The following SLAIN2 variants were observed in gnomAD, a reference collection of about 807,000 sequenced individuals.
SLAIN2 encodes the protein SLAIN motif-containing protein 2.
SLAIN2 carries 31 observed loss-of-function variants against 56.6 expected under a neutral mutation model. The ratio of observed to expected loss-of-function variants is 0.55; its 90% CI spans 0.41 to 0.74. The LOEUF (loss-of-function observed/expected upper bound fraction) is 0.74. Ranked by LOEUF, SLAIN2 falls within the 30% of genes least tolerant of loss-of-function variation. The pLI is 0.00. For missense variants in SLAIN2, 777 were observed against 754.2 expected (o/e 1.03, Z -0.35); for synonymous variants, 317 against 284.9 (o/e 1.11, Z -1.13).
rs1328889963 is a variant in SLAIN2 at position 48,424,707 on chromosome 4, CTG to C, written c.*2631_*2632del. 2 of 151,840 alleles carry C rather than the reference CTG, an allele frequency of 1.3e-5. No individual in the cohort carries two copies. The highest frequency in any genetic ancestry group is 2.4e-5 in the African/African-American group (1 of 41,360). 9.4% of individuals were successfully genotyped at this position (151,840 alleles called of 1,614,324 possible). A position where few individuals can be genotyped will look rare whatever the true frequency, so the allele number is the denominator to read the frequency against. ...ATCCTGGAAATCACATTTTGTAAAA[CTG>C]GGGACCATTCATAATTGTCAGATAC... is the stretch of plus-strand genomic sequence containing the variant. On this transcript the variant is annotated 3_prime_UTR_variant, in exon 8 of 8. Coordinates refer to ENST00000264313, the MANE Select transcript of SLAIN2 (RefSeq NM_020846.2).
chr4:48,396,458 A>G (rs1484295082), intron 6 of SLAIN2, among the ~76,000 whole-genome samples: 2 of 152,212 alleles, frequency 1.3e-5, no homozygotes, highest in African/African-American at 4.8e-5. Flanking sequence ...TTAAAATATT[A>G]GCTTAATAAT....
At chr4:48,357,280 T>C (rs1715183344) in intron 1 of SLAIN2, among the ~76,000 whole-genome samples, 1 of 152,116 alleles carries the variant, frequency 6.6e-6, no homozygotes, top group Non-Finnish European at 1.5e-5. Context: ...TTGGTTGTAG[T>C]AGTAGGTGGG....
chr4:48,383,244 ATACAATTTT>A (rs1329992864), intron 5 of SLAIN2, among the ~76,000 whole-genome samples: 4 of 152,172 alleles, frequency 2.6e-5, no homozygotes, highest in African/African-American at 7.2e-5. Flanking sequence ...TATGAAAGTA[ATACAATTTT>A]TGCTAAGTTT....
At chr4:48,411,981 G>C (rs749074425) in intron 6 of SLAIN2, among the ~76,000 whole-genome samples, 37 of 151,608 alleles carry the variant, frequency 2.4e-4, no homozygotes, top group Non-Finnish European at 5.0e-4. Context: ...GACCTTCCTA[G>C]TTGCTCTGTA....
chr4:48,371,790 A>G (rs1320402882), intron 2 of SLAIN2, among the ~76,000 whole-genome samples: 1 of 151,926 alleles, frequency 6.6e-6, no homozygotes, highest in Non-Finnish European at 1.5e-5. Context: ...AAAAATAAAA[A>G]AATAAAAATA....
intron 6 of SLAIN2, among the ~76,000 whole-genome samples, chr4:48,392,864 G>A (rs1037558449): frequency 1.3e-5 from 2 of 148,512 alleles, no homozygotes; most frequent in Non-Finnish European, 3.0e-5. Context: ...TTAGTTTCAT[G>A]AGAGTGGGGA....
intron 3 of SLAIN2, 68 bp downstream of exon 3, chr4:48,378,128 A>G (rs1171794488): frequency 2.0e-6 from 3 of 1,485,092 alleles, no homozygotes; most frequent in Non-Finnish European, 2.7e-6. Flanking sequence ...TCAGAAAATA[A>G]CATTCATCTG....
chr4:48,353,118 G>A (rs1431005827), intron 1 of SLAIN2, among the ~76,000 whole-genome samples: 1 of 152,086 alleles, frequency 6.6e-6, no homozygotes, highest in Non-Finnish European at 1.5e-5. Flanking sequence ...TTTGTAAATT[G>A]CCCAGTCTCA....
chr4:48,419,952 C>G (rs1040929859), intron 6 of SLAIN2, among the ~76,000 whole-genome samples, 173 bp from the exon 7 acceptor site: 3 of 152,162 alleles, frequency 2.0e-5, no homozygotes, highest in African/African-American at 7.2e-5. Context: ...ATTTAGAACT[C>G]ACAGTTACTT....
chr4:48,407,954 A>G (rs10938530), intron 6 of SLAIN2, among the ~76,000 whole-genome samples: 45,648 of 152,048 alleles, frequency 0.3, 7,042 homozygotes, highest in South Asian at 0.48. Flanking sequence ...ACAATATATG[A>G]TCTTTTGTGA....
At position 48,422,116 on chromosome 4, in the gene SLAIN2, G is replaced by C; in HGVS notation, c.*39G>C. On this transcript the variant is annotated 3_prime_UTR_variant, in exon 8 of 8. Coordinates refer to ENST00000264313, the MANE Select transcript of SLAIN2 (RefSeq NM_020846.2). ...GAATGCAGAAGTCCACGGCTTCATG[G>C]ATACCCTTCACCAGGCTAAAAAACA... 1 of 1,556,144 alleles carries C rather than the reference G, an allele frequency of 6.4e-7. No homozygotes were observed. The highest frequency in any genetic ancestry group is 8.8e-7 in the Non-Finnish European group (1 of 1,135,368).
At position 48,355,737 on chromosome 4, in the gene SLAIN2, G is replaced by T. The variant is rs550412231; in HGVS notation, c.389+13609G>T. ...GCACTTCAATGTTAAGGTTAAACAC[G>T]TATTTAATATACACATTTTATATGT... On this transcript the variant is annotated intron_variant, in intron 1 of 7. Coordinates refer to ENST00000264313, the MANE Select transcript of SLAIN2 (RefSeq NM_020846.2). 2.6e-5 allele frequency among the ~76,000 whole-genome samples: 4 copies of T among 151,890 alleles called. No homozygotes were observed. In the East Asian group the frequency reaches 7.7e-4, roughly 29 times the overall value.
At chr4:48,364,887 G>A (rs1432603063) in intron 1 of SLAIN2, among the ~76,000 whole-genome samples, 1 of 143,200 alleles carries the variant, frequency 7.0e-6, no homozygotes, top group African/African-American at 2.6e-5. Flanking sequence ...AGGGGGAGGG[G>A]GAGGGGGAGG....
chr4:48,376,870 C>G (rs888233751), intron 2 of SLAIN2, among the ~76,000 whole-genome samples: 2 of 150,074 alleles, frequency 1.3e-5, no homozygotes, highest in Non-Finnish European at 3.0e-5. Context: ...CTCGGCCTCC[C>G]AAAGTGCTGG....
At chr4:48,379,541 A>C in intron 3 of SLAIN2, 149 bp from the exon 4 acceptor site, 1 of 620,884 alleles carries the variant, frequency 1.6e-6, no homozygotes, top group Non-Finnish European at 2.4e-6. Context: ...TAATGAGGTC[A>C]ATTTCTAATT....
intron 1 of SLAIN2, among the ~76,000 whole-genome samples, chr4:48,364,860 A>G (rs531972063): frequency 1.0e-5 from 1 of 97,574 alleles, no homozygotes; most frequent in South Asian, 4.2e-4. Flanking sequence ...CCGTGGGGAG[A>G]CGGAGACGGG....
chr4:48,388,820 A>T (rs1716163330), intron 6 of SLAIN2, among the ~76,000 whole-genome samples: 1 of 152,224 alleles, frequency 6.6e-6, no homozygotes. Flanking sequence ...GACGAGTAAA[A>T]TAATTTAGTG....
chr4:48,367,931 C>T (rs1179742656), intron 1 of SLAIN2, among the ~76,000 whole-genome samples: 1 of 152,010 alleles, frequency 6.6e-6, no homozygotes, highest in Non-Finnish European at 1.5e-5. Flanking sequence ...CATTCCCATT[C>T]CTACCTCCAG....
At chr4:48,379,616 A>G (rs1715919152) in intron 3 of SLAIN2, 74 bp from the exon 4 acceptor site, 1 of 1,151,528 alleles carries the variant, frequency 8.7e-7, no homozygotes, top group South Asian at 2.9e-5. Context: ...TATAATATCA[A>G]GTTAGTTGCA....
Sources: gnomAD v4.1 joint callset for allele counts (sites outside exome capture counted in the v4.1 genomes callset) on GRCh38, gnomAD v4.1.1 for gene constraint, MANE v1.5 for transcripts, NCBI Gene and HGNC (gene_info 2026-07-23, HGNC 2026-07-21) for gene names.